AADACL4: variants seen among roughly 807,000 people sequenced by gnomAD.
AADACL4 encodes the protein arylacetamide deacetylase-like 4.
A neutral mutation model predicts 14.1 loss-of-function variants in AADACL4; 9 were observed. The ratio of observed to expected loss-of-function variants is 0.64; its 90% CI spans 0.39 to 1.12. The LOEUF (loss-of-function observed/expected upper bound fraction) is 1.12. Ranked by LOEUF, AADACL4 falls within the 50% of genes most tolerant of loss-of-function variation. AADACL4 has a pLI of 0.01. For synonymous variants in AADACL4, 188 were observed against 201.6 expected, an observed-to-expected ratio of 0.93 and a Z score of 0.57; for missense variants, 531 against 516.1, an observed-to-expected ratio of 1.03 and a Z score of -0.28.
At position 12,666,075 on chromosome 1, in the gene AADACL4, G is replaced by A. The variant is rs776552066; in HGVS notation, c.564G>A (p.Val188=). 1 of 1,614,230 alleles carries A rather than the reference G, an allele frequency of 6.2e-7. No individual in the cohort carries two copies. Among genetic ancestry groups the A allele is most frequent in the Non-Finnish European group, 8.5e-7 (1 of 1,180,040 alleles). Residue 188 remains valine (V), a synonymous_variant, in exon 4 of 4, where the codon GTG becomes GTA. Coordinates refer to ENST00000376221, the MANE Select transcript of AADACL4 (RefSeq NM_001013630.2). ...ETYGVDPSRV[V]VCGESVGGAA... is the part of the protein sequence containing the mutation. ...ATGGGGTGGACCCCTCCAGGGTTGTGGTCTGTGGAGAAAGCGTCGGAGGTG... is the reference window on the plus strand; with the variant it reads ...ATGGGGTGGACCCCTCCAGGGTTGTAGTCTGTGGAGAAAGCGTCGGAGGTG...
rs1213639982 is a variant in AADACL4 at position 12,661,853 on chromosome 1, G to A, written c.448G>A (p.Gly150Arg). The A allele has an allele frequency of 6.2e-7, 1 of 1,614,102 alleles. No individual in the cohort carries two copies. Among genetic ancestry groups the A allele is most frequent in the Non-Finnish European group, 8.5e-7 (1 of 1,179,988 alleles). Residue 150 changes from glycine (G) to arginine (R), a missense_variant and splice_region_variant, in exon 3 of 4, where the codon GGG (glycine) becomes AGG (arginine). By Grantham distance (125) the Gly-to-Arg change is moderately radical. Transcript: ENST00000376221. ...GACTGAATCTGTACTTCTGATGATT[G>A]GGTGAGTTTCTGGAGACAGCTGGTA... The part of the protein sequence containing the change: ...RETESVLLMI[G>R]YRKLPDHHSP...
In AADACL4 at chr1:12,647,998, C is replaced by T. The variant is rs1440331148; in HGVS notation, c.169-3125C>T. On this transcript the variant is annotated intron_variant, in intron 1 of 3. Transcript: ENST00000376221. ...TTTTTGTTTTTGAGATGGAGTCTTG[C>T]TCTGTCACCCAGGCTGGAGTGCAGT... Among the ~76,000 whole-genome samples, 3 of 152,076 alleles carry T rather than the reference C, an allele frequency of 2.0e-5. No homozygotes were observed. The South Asian group carries it at 6.2e-4, about 32-fold the overall frequency.
intron 2 of AADACL4, among the ~76,000 whole-genome samples, chr1:12,658,114 TCC>T: frequency 2.6e-5 from 2 of 75,848 alleles, no homozygotes; most frequent in African/African-American, 1.3e-4. Context: ...TTTCTTTCCT[TCC>T]TTCCTTCCTT....
intron 2 of AADACL4, among the ~76,000 whole-genome samples, chr1:12,656,853 G>A (rs1254807505): frequency 6.6e-6 from 1 of 152,140 alleles, no homozygotes; most frequent in East Asian, 1.9e-4. Context: ...AAGCTACTCA[G>A]TGTAAGGCTG....
At position 12,666,910 on chromosome 1, in the gene AADACL4, G is replaced by C; in HGVS notation, c.*175G>C. 1 of 617,098 alleles carries C rather than the reference G, an allele frequency of 1.6e-6. No homozygotes were observed. The highest frequency in any genetic ancestry group is 2.7e-6 in the Non-Finnish European group (1 of 376,658). The allele number at this position is 617,098 out of a possible 1,614,324, so 38.2% of individuals were successfully genotyped here. On this transcript the variant is annotated 3_prime_UTR_variant, in exon 4 of 4. Transcript: ENST00000376221. ...CTTAGTATTCAAGAAAATCCAAACT[G>C]TGTCTGTTTCCTTCCAGCACTAACA...
chr1:12,646,497 G>T (rs1196989699), intron 1 of AADACL4, among the ~76,000 whole-genome samples: 2 of 152,210 alleles, frequency 1.3e-5, no homozygotes, highest in South Asian at 2.1e-4. Context: ...ACAGGACAAG[G>T]ATGTAGAAAG....
chr1:12,658,166 T>TTCTTTCTTTCTTTCTCTCTCTCTTTC (rs368484346), intron 2 of AADACL4, among the ~76,000 whole-genome samples: 1 of 122,826 alleles, frequency 8.1e-6, no homozygotes, highest in African/African-American at 4.8e-5. Flanking sequence ...CTTTCTTTCT[T>TTCTTTCTTTCTTTCTCTCTCTCTTTC]TTTCTCTTTC....
At position 12,651,270 on chromosome 1, in the gene AADACL4, G is replaced by T. The variant is rs376342932; in HGVS notation, c.316G>T (p.Ala106Ser). The change falls in exon 2 of 4, where the codon GCA becomes TCA. Residue 106 changes from alanine (A) to serine (S), a missense_variant. Physicochemically the swap from Ala to Ser is moderately conservative, Grantham distance 99. Coordinates refer to ENST00000376221, the MANE Select transcript of AADACL4 (RefSeq NM_001013630.2). ...ACCCGTGAGGCTGTTCCAGCCGAAG[G>T]CAGCATCCTCCAGACCCCGGCGAGG... ...TIPVRLFQPKAASSRPRRGII... is the reference protein window; with the variant it reads ...TIPVRLFQPKSASSRPRRGII... 2 of 1,614,194 alleles carry T rather than the reference G, an allele frequency of 1.2e-6. No homozygotes were observed. Among genetic ancestry groups the T allele is most frequent in the South Asian group, 1.1e-5 (1 of 91,078 alleles).
chr1:12,656,335 G>A (rs1489727755), intron 2 of AADACL4, among the ~76,000 whole-genome samples: 4 of 152,142 alleles, frequency 2.6e-5, no homozygotes, highest in African/African-American at 9.7e-5. Flanking sequence ...ACTGTCCTCG[G>A]CATCTAGGCA....
chr1:12,651,374 G>T (rs1242237787), intron 2 of AADACL4, 35 bp downstream of exon 2: 1 of 1,603,348 alleles, frequency 6.2e-7, no homozygotes, highest in African/African-American at 1.3e-5. Context: ...TAGAGGAAGG[G>T]CCTCATCTGC....
chr1:12,665,427 G>A (rs980831399), intron 3 of AADACL4, among the ~76,000 whole-genome samples: 7 of 152,046 alleles, frequency 4.6e-5, no homozygotes, highest in Admixed American at 2.0e-4. Context: ...GGGTTTCACC[G>A]TGTTAGCCAG....
intron 2 of AADACL4, among the ~76,000 whole-genome samples, chr1:12,654,457 G>A (rs1159125555): frequency 6.6e-6 from 1 of 152,212 alleles, no homozygotes; most frequent in Non-Finnish European, 1.5e-5. Context: ...TTCCATACTT[G>A]TGGGTCTACT....
At chr1:12,654,903 C>T (rs1194264474) in intron 2 of AADACL4, among the ~76,000 whole-genome samples, 1 of 152,184 alleles carries the variant, frequency 6.6e-6, no homozygotes, top group Non-Finnish European at 1.5e-5. Context: ...TGACTCAAGC[C>T]TTTGTCAATT....
At chr1:12,658,071 TTCTTTC>T (rs1470095080) in intron 2 of AADACL4, among the ~76,000 whole-genome samples, 3 of 114,530 alleles carry the variant, frequency 2.6e-5, no homozygotes, top group African/African-American at 1.8e-4. Context: ...CTTTTTCTCT[TTCTTTC>T]TTTCTTTCTT....
In AADACL4 at chr1:12,658,118, TCC is replaced by T. The variant is rs1647195607; in HGVS notation, c.386-3672_386-3671del. 4.2e-4 allele frequency among the ~76,000 whole-genome samples: 53 copies of T among 127,586 alleles called. 1 individual carries two copies. The highest frequency in any genetic ancestry group is 2.0e-3 in the African/African-American group (51 of 25,166). The allele number at this position is 127,586 out of a possible 152,430, so 83.7% of individuals were successfully genotyped here. On this transcript the variant is annotated intron_variant, in intron 2 of 3. Coordinates refer to ENST00000376221, the MANE Select transcript of AADACL4 (RefSeq NM_001013630.2). ...TTCTTTCTCTCTTTCTTTCCTTCCT[TCC>T]TTCCTTCCTTCCTTCCTTCCTTTCT...
intron 1 of AADACL4, among the ~76,000 whole-genome samples, chr1:12,648,463 C>G (rs941448864): frequency 1.3e-5 from 2 of 151,336 alleles, no homozygotes; most frequent in Non-Finnish European, 2.9e-5. Flanking sequence ...GTGGCATGAT[C>G]TTGGCTCACT....
intron 2 of AADACL4, among the ~76,000 whole-genome samples, chr1:12,661,510 G>A (rs1647228680): frequency 6.6e-6 from 1 of 152,062 alleles, no homozygotes; most frequent in African/African-American, 2.4e-5. Flanking sequence ...TTCCATTTCA[G>A]ATCACTAAGA....
chr1:12,649,204 A>G (rs757728708), intron 1 of AADACL4, among the ~76,000 whole-genome samples: 2 of 152,296 alleles, frequency 1.3e-5, no homozygotes, highest in East Asian at 1.9e-4. Context: ...GGCCATTACT[A>G]TGAGAGGGAG....
At position 12,661,871 on chromosome 1, in the gene AADACL4, A is replaced by G. The variant is rs763049052; in HGVS notation, c.449+17A>G. The G allele has an allele frequency of 2.5e-6, 4 of 1,613,400 alleles. No individual in the cohort carries two copies. The East Asian group carries it at 8.9e-5, about 36-fold the overall frequency. ...GATGATTGGGTGAGTTTCTGGAGAC[A>G]GCTGGTAGGTTCCACAGGGGTGAGA... is the stretch of plus-strand genomic sequence containing the variant. On this transcript the variant is annotated intron_variant, in intron 3 of 3. Coordinates refer to ENST00000376221, the MANE Select transcript of AADACL4 (RefSeq NM_001013630.2).
Sources: gnomAD v4.1 joint callset for allele counts (sites outside exome capture counted in the v4.1 genomes callset) on GRCh38, gnomAD v4.1.1 for gene constraint, MANE v1.5 for transcripts, NCBI Gene and HGNC (gene_info 2026-07-23, HGNC 2026-07-21) for gene names.